The following DCX variants were observed in gnomAD, a reference collection of about 807,000 sequenced individuals.
DCX encodes neuronal migration protein doublecortin.
DCX carries 4 observed loss-of-function variants against 20.9 expected under a neutral mutation model. The ratio of observed to expected loss-of-function variants is 0.19; its 90% CI spans 0.09 to 0.44. The LOEUF (loss-of-function observed/expected upper bound fraction) is 0.44, where lower values mean the gene tolerates loss of function less well. DCX is among the 20% of genes least tolerant of loss of function. The pLI is 0.99. For synonymous variants in DCX, 103 were observed against 111.4 expected, an observed-to-expected ratio of 0.92 and a Z score of 0.47; for missense variants, 133 against 296.9, an observed-to-expected ratio of 0.45 and a Z score of 4.06.
At chrX:111,384,555 A>G (rs187212305) in intron 3 of DCX, among the ~76,000 whole-genome samples, 54 of 111,546 alleles carry the variant, frequency 4.8e-4, no homozygotes, top group African/African-American at 1.7e-3. Context: ...TCTGGTCCCT[A>G]TAGAGTCTCC....
In DCX at chrX:111,386,383, G is replaced by A. The variant is rs1004053438; in HGVS notation, c.705+14607C>T. On this transcript the variant is annotated intron_variant, in intron 3 of 6. Coordinates refer to ENST00000636035, the MANE Select transcript of DCX (RefSeq NM_001195553.2). ...CCTCTGGAGTCCAAGTGCCAGCCCC[G>A]GACCAAGCCAGAAAAATATCTACAA... 6.3e-4 allele frequency among the ~76,000 whole-genome samples: 69 copies of A among 110,304 alleles called. 4 individuals carry two copies. Among genetic ancestry groups the A allele is most frequent in the South Asian group, 4.0e-4 (1 of 2,519 alleles).
rs897730574 is a variant in DCX at position 111,381,831 on chromosome X, T to C, written c.705+19159A>G. On this transcript the variant is annotated intron_variant, in intron 3 of 6. Transcript: ENST00000636035. ...TGAGGCCTACAGTTTCAGCTTGTATTAAAGATATAGGTTCTTATTTCTAAT... is the reference window on the plus strand; with the variant it reads ...TGAGGCCTACAGTTTCAGCTTGTATCAAAGATATAGGTTCTTATTTCTAAT... 1.3e-4 allele frequency among the ~76,000 whole-genome samples: 14 copies of C among 112,000 alleles called. No homozygotes were observed. In the Middle Eastern group the frequency reaches 0.018, roughly 147 times the overall value.
Position 111,310,160 on chromosome X carries a change from G to A in DCX, c.1044+2479C>T, listed in dbSNP as rs772860196. Among the ~76,000 whole-genome samples the A allele has an allele frequency of 8.1e-5, 9 of 111,164 alleles. No homozygotes were observed. The East Asian group carries it at 1.4e-3, about 18-fold the overall frequency. On this transcript the variant is annotated intron_variant, in intron 6 of 6. Transcript: ENST00000636035. ...ATCCTGGCTAACACGGTGAAACCTC[G>A]TCTCTACTAAAAATACAAAAAATTA...
In DCX at chrX:111,405,710, T is replaced by TA. The variant is rs777518079; in HGVS notation, c.364+4324dup. ...AAAAATAAATAAAATAAAAAAATAA[T>TA]AAAAAAAACAAAGACATGACAAAAG... On this transcript the variant is annotated intron_variant, in intron 2 of 6. Coordinates refer to ENST00000636035, the MANE Select transcript of DCX (RefSeq NM_001195553.2). Among the ~76,000 whole-genome samples the TA allele has an allele frequency of 2.0e-3, 222 of 109,834 alleles. 1 individual carries two copies. Among genetic ancestry groups the TA allele is most frequent in the Non-Finnish European group, 3.3e-3 (174 of 52,387 alleles).
At chrX:111,361,641 G>A (rs1291099494) in intron 3 of DCX, among the ~76,000 whole-genome samples, 1 of 112,058 alleles carries the variant, frequency 8.9e-6, no homozygotes, top group African/African-American at 3.2e-5. Context: ...AACAAACAAC[G>A]AAGTTATTTT....
intron 3 of DCX, among the ~76,000 whole-genome samples, chrX:111,397,885 T>C (rs1169448696): frequency 4.5e-5 from 5 of 110,490 alleles, no homozygotes; most frequent in African/African-American, 1.6e-4. Flanking sequence ...TTAAAAATGT[T>C]TGTGGTTAAG....
At chrX:111,359,609 A>T (rs942732501) in intron 3 of DCX, among the ~76,000 whole-genome samples, 2 of 112,103 alleles carry the variant, frequency 1.8e-5, no homozygotes, top group African/African-American at 6.5e-5. Flanking sequence ...AAAATGAAAG[A>T]ATATTTGCAA....
At chrX:111,362,585 C>A (rs1924292958) in intron 3 of DCX, among the ~76,000 whole-genome samples, 1 of 111,406 alleles carries the variant, frequency 9.0e-6, no homozygotes, top group African/African-American at 3.3e-5. Context: ...AAACAGTAAA[C>A]TATCAAAGGC....
intron 5 of DCX, among the ~76,000 whole-genome samples, chrX:111,322,873 C>T (rs989141799): frequency 4.5e-5 from 5 of 112,051 alleles, no homozygotes; most frequent in Admixed American, 1.9e-4. Flanking sequence ...ATATTTCCTA[C>T]GGAATCTTGG....
chrX:111,359,122 A>T (rs901086845), intron 3 of DCX, among the ~76,000 whole-genome samples: 2 of 111,790 alleles, frequency 1.8e-5, no homozygotes, highest in Non-Finnish European at 3.8e-5. Context: ...ATTTTGAAAA[A>T]AAAATCACAA....
At chrX:111,391,750 C>G (rs1479989404) in intron 3 of DCX, among the ~76,000 whole-genome samples, 1 of 111,687 alleles carries the variant, frequency 9.0e-6, no homozygotes, top group Admixed American at 9.5e-5. Flanking sequence ...TCGATGACAA[C>G]TGGGCTAATG....
At chrX:111,314,674 T>C (rs1447668670) in intron 5 of DCX, among the ~76,000 whole-genome samples, 1 of 111,741 alleles carries the variant, frequency 8.9e-6, no homozygotes, top group Non-Finnish European at 1.9e-5. Context: ...GAGTTGCATA[T>C]GTTAAATTAG....
At chrX:111,400,371 G>T (rs1313892672) in intron 3 of DCX, among the ~76,000 whole-genome samples, 2 of 111,748 alleles carry the variant, frequency 1.8e-5, no homozygotes, top group Non-Finnish European at 3.8e-5. Context: ...ATCTTTCTTG[G>T]GCTAATTTTA....
chrX:111,403,335 C>T (rs1417198781), intron 2 of DCX, among the ~76,000 whole-genome samples: 1 of 112,167 alleles, frequency 8.9e-6, no homozygotes, highest in East Asian at 2.8e-4. Flanking sequence ...TCTGGAGAGT[C>T]AGCTGTGTAG....
rs1263629858 is a variant in DCX at position 111,401,140 on chromosome X, G to A, written c.555C>T (p.Ile185=). ...CCTTCCGAGGCTTCACCCCACTGCG[G>A]ATGATGGTAACCAGCTTGGGGCGCA... is the stretch of plus-strand genomic sequence containing the variant. ...DFVRPKLVTI[I]RSGVKPRKAV... Residue 185 remains isoleucine (I), a synonymous_variant, in exon 3 of 7, where the codon ATC becomes ATT. Coordinates refer to ENST00000636035, the MANE Select transcript of DCX (RefSeq NM_001195553.2). The A allele has an allele frequency of 8.3e-7, 1 of 1,211,485 alleles. No homozygotes were observed. Among genetic ancestry groups the A allele is most frequent in the Non-Finnish European group, 1.1e-6 (1 of 895,470 alleles).
chrX:111,394,373 C>T (rs758099634), intron 3 of DCX, among the ~76,000 whole-genome samples: 10 of 111,436 alleles, frequency 9.0e-5, no homozygotes, highest in South Asian at 7.5e-4. Flanking sequence ...AAGGGTACAG[C>T]GTTTCTTTTT....
chrX:111,378,940 C>T (rs1460555300), intron 3 of DCX, among the ~76,000 whole-genome samples: 1 of 111,931 alleles, frequency 8.9e-6, no homozygotes, highest in Non-Finnish European at 1.9e-5. Context: ...GCCCTTCTGC[C>T]TTCTGCCATG....
intron 6 of DCX, among the ~76,000 whole-genome samples, chrX:111,311,487 T>G (rs960195654): frequency 1.8e-5 from 2 of 112,195 alleles, no homozygotes; most frequent in African/African-American, 6.5e-5. Context: ...TATTTGTTAA[T>G]GTCCATGGTG....
At chrX:111,317,158 T>A (rs1179232746) in intron 5 of DCX, among the ~76,000 whole-genome samples, 1 of 111,448 alleles carries the variant, frequency 9.0e-6, no homozygotes, top group African/African-American at 3.3e-5. Context: ...AGGCATCACA[T>A]TACCTGACTT....
Sources: gnomAD v4.1 joint callset for allele counts (sites outside exome capture counted in the v4.1 genomes callset) on GRCh38, gnomAD v4.1.1 for gene constraint, MANE v1.5 for transcripts, NCBI Gene and HGNC (gene_info 2026-07-23, HGNC 2026-07-21) for gene names.